Variants in CARD6 observed in about 807,000 individuals in gnomAD.
CARD6 encodes caspase recruitment domain family member 6, also known as caspase recruitment domain-containing protein 6.
Under a neutral mutation model 23.6 loss-of-function variants are expected in CARD6, and 27 were observed. The ratio of observed to expected loss-of-function variants is 1.14; its 90% confidence interval spans 0.84 to 1.58. CARD6 has a LOEUF of 1.58. Ranked by LOEUF, CARD6 falls within the 40% of genes most tolerant of loss-of-function variation. CARD6 has a pLI of 0.00. For synonymous variants in CARD6, 397 were observed against 431.8 expected (o/e 0.92, Z 1.00); for missense variants, 1,214 against 1,209.9 (o/e 1.00, Z -0.05).
chr5:40,854,184 C>A lies in CARD6; in HGVS notation c.2852C>A (p.Thr951Lys). The change falls in exon 3 of 3, where the codon ACA (threonine) becomes AAA (lysine). Residue 951 changes from threonine to lysine, a missense_variant. Coordinates refer to ENST00000254691, the MANE Select transcript of CARD6 (RefSeq NM_032587.4). ...QFKSDQSNPS[T>K]VKHSQPKPFH... is the part of the protein sequence containing the mutation. ...AAATCCGATCAGTCCAACCCATCCA[C>A]AGTCAAACACTCCCAGCCTAAACCC... 1 of 1,614,198 alleles carries A rather than the reference C, an allele frequency of 6.2e-7. No individual in the cohort carries two copies. The highest frequency in any genetic ancestry group is 8.5e-7 in the Non-Finnish European group (1 of 1,180,044).
intron 2 of CARD6, among the ~76,000 whole-genome samples, chr5:40,844,025 T>C (rs1355913911): frequency 6.6e-6 from 1 of 152,208 alleles, no homozygotes; most frequent in Admixed American, 6.5e-5. Context: ...TGCTAATCAT[T>C]AATTTCAGGC....
At position 40,854,656 on chromosome 5, in the gene CARD6, T is replaced by C; in HGVS notation, c.*210T>C. 1 of 536,268 alleles carries C rather than the reference T, an allele frequency of 1.9e-6. No individual in the cohort carries two copies. The highest frequency in any genetic ancestry group is 3.3e-5 in the Admixed American group (1 of 30,434). 33.2% of individuals were successfully genotyped at this position (536,268 alleles called of 1,614,324 possible). On this transcript the variant is annotated 3_prime_UTR_variant, in exon 3 of 3. Transcript: ENST00000254691. Reference sequence around the variant, plus strand: ...CCCAGGCTGGAGTGCAATGGCACGATCTCGGCTCACCGCAACCTCTGCTTC... The same window carrying C: ...CCCAGGCTGGAGTGCAATGGCACGACCTCGGCTCACCGCAACCTCTGCTTC...
At position 40,843,069 on chromosome 5, in the gene CARD6, GA is replaced by G. The variant is rs879162697; in HGVS notation, c.284-82del. 2.3e-4 allele frequency: 185 copies of G among 821,920 alleles called. 1 individual carries two copies. The South Asian group carries it at 3.2e-3, about 14-fold the overall frequency. The allele number at this position is 821,920 out of a possible 1,614,324, so 50.9% of individuals were successfully genotyped here. On this transcript the variant is annotated intron_variant, in intron 1 of 2. Transcript: ENST00000254691. ...ATAAATAAATAAATAAAAGGAGAGG[GA>G]TGAAGCTTTGAGGCCTCAGGAACTC...
Position 40,854,162 on chromosome 5 carries a change from T to G in CARD6, c.2830T>G (p.Ser944Ala). 6.2e-7 allele frequency: 1 copy of G among 1,614,136 alleles called. No individual in the cohort carries two copies. Among genetic ancestry groups the G allele is most frequent in the South Asian group, 1.1e-5 (1 of 91,080 alleles). ...HPMCKSSQFK[S>A]DQSNPSTVKH... is the part of the protein sequence containing the mutation. ...CATGTGCAAGAGCTCTCAGTTCAAA[T>G]CCGATCAGTCCAACCCATCCACAGT... The change falls in exon 3 of 3, where the codon TCC becomes GCC. Residue 944 changes from serine (S) to alanine (A), a missense_variant. By Grantham distance (99) the Ser-to-Ala change is moderately conservative (BLOSUM62 1). Coordinates refer to ENST00000254691, the MANE Select transcript of CARD6 (RefSeq NM_032587.4).
intron 1 of CARD6, 142 bp downstream of exon 1, chr5:40,841,807 G>A (rs1745866752): frequency 1.4e-6 from 1 of 702,924 alleles, no homozygotes; most frequent in East Asian, 2.8e-5. Flanking sequence ...ATGAAATAGG[G>A]AAAAACTGGA....
chr5:40,852,795 A>C lies in CARD6; in HGVS notation c.1463A>C (p.His488Pro). 6.2e-7 allele frequency: 1 copy of C among 1,614,174 alleles called. No homozygotes were observed. Among genetic ancestry groups the C allele is most frequent in the Non-Finnish European group, 8.5e-7 (1 of 1,180,032 alleles). The change falls in exon 3 of 3, where the codon CAT becomes CCT. Residue 488 changes from histidine to proline, a missense_variant. By Grantham distance (77) the His-to-Pro change is moderately conservative. Coordinates refer to ENST00000254691, the MANE Select transcript of CARD6 (RefSeq NM_032587.4). Reference protein sequence around the residue: ...AQLKLHKIFLHQDLPLLVLPR... With the variant: ...AQLKLHKIFLPQDLPLLVLPR... ...TTGAAATTACACAAAATCTTTCTTC[A>C]TCAAGATTTGCCTCTTTTGGTGCTT...
intron 2 of CARD6, among the ~76,000 whole-genome samples, chr5:40,845,410 C>T (rs1745950329): frequency 6.6e-6 from 1 of 152,122 alleles, no homozygotes; most frequent in East Asian, 1.9e-4. Flanking sequence ...GCCCTATTTC[C>T]AAATAACATC....
At chr5:40,842,392 A>G (rs1390333117) in intron 1 of CARD6, among the ~76,000 whole-genome samples, 1 of 152,232 alleles carries the variant, frequency 6.6e-6, no homozygotes, top group Admixed American at 6.5e-5. Flanking sequence ...AATTTAGGAC[A>G]AGATTTATAT....
At position 40,849,016 on chromosome 5, in the gene CARD6, T is replaced by C. The variant is rs377136455; in HGVS notation, c.842-3158T>C. 2.4e-4 allele frequency among the ~76,000 whole-genome samples: 37 copies of C among 151,950 alleles called. No homozygotes were observed. The South Asian group carries it at 7.3e-3, about 30-fold the overall frequency. On this transcript the variant is annotated intron_variant, in intron 2 of 2. Transcript: ENST00000254691. Reference sequence around the variant, plus strand: ...ATCCTGTGGGTATTGATGTCTTTCTTTTTTTTTGAGATGACAGGCTGGAGT... The same window carrying C: ...ATCCTGTGGGTATTGATGTCTTTCTCTTTTTTTGAGATGACAGGCTGGAGT...
Position 40,853,980 on chromosome 5 carries a change from G to T in CARD6, c.2648G>T (p.Gly883Val). 6.2e-7 allele frequency: 1 copy of T among 1,614,188 alleles called. No individual in the cohort carries two copies. The highest frequency in any genetic ancestry group is 8.5e-7 in the Non-Finnish European group (1 of 1,180,032). ...TRVTELTEAT[G>V]KLIRTSHIGK... ...GTAACAGAGTTAACTGAAGCAACTG[G>T]AAAACTGATAAGAACATCCCATATT... The change falls in exon 3 of 3, where the codon GGA becomes GTA. Residue 883 changes from glycine to valine, a missense_variant. Coordinates refer to ENST00000254691, the MANE Select transcript of CARD6 (RefSeq NM_032587.4).
intron 2 of CARD6, among the ~76,000 whole-genome samples, chr5:40,848,488 T>G (rs1422379913): frequency 1.3e-5 from 2 of 152,140 alleles, no homozygotes; most frequent in African/African-American, 2.4e-5. Flanking sequence ...TGTTTTGGAA[T>G]TACAGGCATG....
rs926405069 is a variant in CARD6, at chr5:40,843,645, A to C, written c.777A>C (p.Glu259Asp). ...NSETTEFSGEEPSYEGSETSL... is the reference protein window; with the variant it reads ...NSETTEFSGEDPSYEGSETSL... Reference sequence around the variant, plus strand: ...AAACCACAGAGTTCTCTGGTGAAGAACCAAGTTATGAGGGATCAGAAACCA... The same window carrying C: ...AAACCACAGAGTTCTCTGGTGAAGACCCAAGTTATGAGGGATCAGAAACCA... Residue 259 changes from glutamate to aspartate, a missense_variant, in exon 2 of 3, where the codon GAA (glutamate) becomes GAC (aspartate). Coordinates refer to ENST00000254691, the MANE Select transcript of CARD6 (RefSeq NM_032587.4). 1.3e-6 allele frequency: 2 copies of C among 1,585,506 alleles called. No individual in the cohort carries two copies. The highest frequency in any genetic ancestry group is 1.7e-6 in the Non-Finnish European group (2 of 1,171,202).
Position 40,845,015 on chromosome 5 carries a change from G to A in CARD6, c.841+1306G>A, listed in dbSNP as rs140118257. ...CCCAGGTAGCTGGGATTACAGGTGC[G>A]TGCCACCACGCCTGGCTAATTTTTG... On this transcript the variant is annotated intron_variant, in intron 2 of 2. Transcript: ENST00000254691. Among the ~76,000 whole-genome samples, 375 of 151,694 alleles carry A rather than the reference G, an allele frequency of 2.5e-3. 2 individuals carry two copies. Among genetic ancestry groups the A allele is most frequent in the African/African-American group, 8.5e-3 (350 of 41,330 alleles).
At position 40,852,191 on chromosome 5, in the gene CARD6, AAAGAT is replaced by A; in HGVS notation, c.860_864del (p.Lys287SerfsTer9). On this transcript the variant is annotated frameshift_variant, in exon 3 of 3. Transcript: ENST00000254691. LOFTEE classifies it low-confidence loss of function (END_TRUNC). ...TCCTACAGAAAGAAAAAAGGTGTTT[AAAGAT>A]GTCCTGTTATGTTTGAACATGGATA... 3.7e-6 allele frequency: 6 copies of A among 1,606,306 alleles called. No homozygotes were observed. The highest frequency in any genetic ancestry group is 5.1e-6 in the Non-Finnish European group (6 of 1,175,036).
rs1746127760 is a variant in CARD6, at chr5:40,853,743, G to A, written c.2411G>A (p.Arg804Lys). ...YSGERFMKFS[R>K]VARGCHSNGT... ...GGTGAAAGATTCATGAAATTTTCCA[G>A]AGTTGCTCGGGGATGTCACTCGAAT... The change falls in exon 3 of 3, where the codon AGA (arginine) becomes AAA (lysine). Residue 804 changes from arginine (R) to lysine (K), a missense_variant. Arg to Lys is a conservative substitution (Grantham distance 26, BLOSUM62 2). Coordinates refer to ENST00000254691, the MANE Select transcript of CARD6 (RefSeq NM_032587.4). 6.2e-7 allele frequency: 1 copy of A among 1,614,178 alleles called. No homozygotes were observed. The highest frequency in any genetic ancestry group is 8.5e-7 in the Non-Finnish European group (1 of 1,180,032).
chr5:40,852,548 C>A lies in CARD6; in HGVS notation c.1216C>A (p.Pro406Thr). The change falls in exon 3 of 3, where the codon CCC (proline) becomes ACC (threonine). Residue 406 changes from proline (P) to threonine (T), a missense_variant. Transcript: ENST00000254691. ...CATGTATCAGTGCCAGTTTGCTCTTCCCCTGCTACTGCCAGATGCAGAAAA... is the reference window on the plus strand; with the variant it reads ...CATGTATCAGTGCCAGTTTGCTCTTACCCTGCTACTGCCAGATGCAGAAAA... ...SNMYQCQFAL[P>T]LLLPDAENNK... 6.2e-7 allele frequency: 1 copy of A among 1,614,192 alleles called. No individual in the cohort carries two copies. Among genetic ancestry groups the A allele is most frequent in the Non-Finnish European group, 8.5e-7 (1 of 1,180,038 alleles).
At chr5:40,846,629 C>T (rs1579802164) in intron 2 of CARD6, among the ~76,000 whole-genome samples, 1 of 152,154 alleles carries the variant, frequency 6.6e-6, no homozygotes, top group African/African-American at 2.4e-5. Flanking sequence ...CCCCTGGTAG[C>T]TTCGTGCATT....
At position 40,841,432 on chromosome 5, in the gene CARD6, A is replaced by T. The variant is rs372421200; in HGVS notation, c.50A>T (p.Lys17Met). ...GAGATCATAGAAAGAGAAAGAAAAA[A>T]GTTGCTTGAAATCCTTCAACATGAT... ...PSEIIERERK[K>M]LLEILQHDPD... Residue 17 changes from lysine (K) to methionine (M), a missense_variant, in exon 1 of 3, where the codon AAG becomes ATG. Transcript: ENST00000254691. 76 of 1,612,678 alleles carry T rather than the reference A, an allele frequency of 4.7e-5. No individual in the cohort carries two copies. The Admixed American group carries it at 1.2e-3, about 26-fold the overall frequency.
intron 2 of CARD6, among the ~76,000 whole-genome samples, chr5:40,850,805 T>C (rs1281225912): frequency 4.6e-5 from 7 of 151,928 alleles, no homozygotes; most frequent in Admixed American, 6.6e-5. Flanking sequence ...AATAAATTTT[T>C]TTTTCATTGC....
Sources: gnomAD v4.1 joint callset for allele counts (sites outside exome capture counted in the v4.1 genomes callset) on GRCh38, gnomAD v4.1.1 for gene constraint, MANE v1.5 for transcripts, NCBI Gene and HGNC (gene_info 2026-07-23, HGNC 2026-07-21) for gene names.